ATE1: variants seen among roughly 807,000 people sequenced by gnomAD.
The protein encoded by ATE1 is arginyl-tRNA--protein transferase 1.
A neutral mutation model predicts 70.5 loss-of-function variants in ATE1; 36 were observed. The observed-to-expected ratio is 0.51, with a 90% confidence interval of 0.39 to 0.67. The LOEUF (loss-of-function observed/expected upper bound fraction) is 0.67, where lower values mean the gene tolerates loss of function less well. Among genes scored for constraint, ATE1 ranks in the 30% least tolerant of loss-of-function variants. The pLI is 0.00. For missense variants in ATE1, 593 were observed against 629.5 expected (o/e 0.94, Z 0.62); for synonymous variants, 232 against 219.3 (o/e 1.06, Z -0.51).
intron 10 of ATE1, among the ~76,000 whole-genome samples, chr10:121,803,012 G>A (rs1334244948): frequency 3.3e-5 from 5 of 152,168 alleles, no homozygotes; most frequent in South Asian, 2.1e-4. Flanking sequence ...CAGCGTTGAC[G>A]TCTTTAGGAG....
chr10:121,745,452 C>G (rs1407212109), intron 11 of ATE1, among the ~76,000 whole-genome samples: 1 of 152,218 alleles, frequency 6.6e-6, no homozygotes, highest in Non-Finnish European at 1.5e-5. Flanking sequence ...TGCAGTGGCT[C>G]ACGCCTGTAA....
chr10:121,841,833 G>A (rs779362353), intron 8 of ATE1, among the ~76,000 whole-genome samples: 25 of 152,022 alleles, frequency 1.6e-4, no homozygotes, highest in Non-Finnish European at 2.5e-4. Context: ...CTTGGGTGAC[G>A]GCTGCACCAA....
At chr10:121,913,755 G>C in intron 4 of ATE1, 35 bp downstream of exon 4, 1 of 1,444,402 alleles carries the variant, frequency 6.9e-7, no homozygotes, top group Non-Finnish European at 9.7e-7. Context: ...TGCAAAGACA[G>C]ATAGTAAATC....
intron 5 of ATE1, 141 bp from the exon 6 acceptor site, chr10:121,902,761 G>T: frequency 1.2e-6 from 1 of 822,204 alleles, no homozygotes; most frequent in Non-Finnish European, 1.9e-6. Flanking sequence ...AGAGGATCCT[G>T]ATACAGAGCT....
chr10:121,808,695 T>C (rs1161040172), intron 10 of ATE1, among the ~76,000 whole-genome samples: 2 of 152,156 alleles, frequency 1.3e-5, no homozygotes, highest in African/African-American at 2.4e-5. Flanking sequence ...CAGTGGTGAA[T>C]TAATAAAAAA....
intron 11 of ATE1, among the ~76,000 whole-genome samples, chr10:121,770,281 C>A (rs1238392126): frequency 6.9e-6 from 1 of 144,264 alleles, no homozygotes; most frequent in Non-Finnish European, 1.5e-5. Context: ...CACAGACATA[C>A]ACCCTGTATA....
intron 8 of ATE1, among the ~76,000 whole-genome samples, chr10:121,849,458 G>GA (rs1948972281): frequency 6.6e-6 from 1 of 152,118 alleles, no homozygotes; most frequent in Non-Finnish European, 1.5e-5. Flanking sequence ...TAACCAGTTT[G>GA]TCCTACCATA....
intron 9 of ATE1, among the ~76,000 whole-genome samples, chr10:121,838,862 A>T (rs186806033): frequency 5.4e-4 from 83 of 152,340 alleles, no homozygotes; most frequent in African/African-American, 1.9e-3. Context: ...AATTAAAAAA[A>T]TAAAAAAATA....
intron 7 of ATE1, among the ~76,000 whole-genome samples, chr10:121,870,899 T>G (rs1313710436): frequency 6.6e-6 from 1 of 152,224 alleles, no homozygotes; most frequent in Non-Finnish European, 1.5e-5. Context: ...TGAGATTTAC[T>G]GTTAATAATA....
chr10:121,792,276 C>G (rs1946483653), intron 10 of ATE1, among the ~76,000 whole-genome samples: 1 of 152,148 alleles, frequency 6.6e-6, no homozygotes, highest in Admixed American at 6.5e-5. Flanking sequence ...AGCGATGGAA[C>G]AGTGGGATGG....
At chr10:121,829,191 G>C (rs1479450529) in intron 10 of ATE1, among the ~76,000 whole-genome samples, 1 of 152,118 alleles carries the variant, frequency 6.6e-6, no homozygotes, top group Middle Eastern at 3.2e-3. Context: ...TTGGGAGGCC[G>C]AGGCGGGCAG....
intron 5 of ATE1, among the ~76,000 whole-genome samples, chr10:121,908,249 A>G (rs1349166227): frequency 1.3e-5 from 2 of 152,242 alleles, no homozygotes; most frequent in African/African-American, 4.8e-5. Flanking sequence ...CACTCCTGTA[A>G]TCCCAGTACT....
In ATE1 at chr10:121,924,117, T is replaced by A. The variant is rs963046756; in HGVS notation, c.170+149A>T. 20 of 653,566 alleles carry A rather than the reference T, an allele frequency of 3.1e-5. 1 individual carries two copies. The South Asian group carries it at 4.0e-4, about 13-fold the overall frequency. The allele number at this position is 653,566 out of a possible 1,614,324, so 40.5% of individuals were successfully genotyped here. ...TTGACATTTTCCTAACAAAGTTTTT[T>A]AAAAAGGAGACAAAAAATCACTACA... On this transcript the variant is annotated intron_variant, in intron 2 of 11. Coordinates refer to ENST00000224652, the MANE Select transcript of ATE1 (RefSeq NM_001001976.3).
chr10:121,753,942 T>C (rs1373400316), intron 11 of ATE1, among the ~76,000 whole-genome samples: 1 of 152,166 alleles, frequency 6.6e-6, no homozygotes, highest in East Asian at 1.9e-4. Flanking sequence ...GTCAAGAAAT[T>C]AGTTACATAC....
At chr10:121,766,592 C>T (rs940321662) in intron 11 of ATE1, among the ~76,000 whole-genome samples, 1 of 152,020 alleles carries the variant, frequency 6.6e-6, no homozygotes, top group Non-Finnish European at 1.5e-5. Flanking sequence ...AGCCAACACA[C>T]ACAGACTAAA....
chr10:121,835,541 A>G (rs1048121697), intron 10 of ATE1, among the ~76,000 whole-genome samples: 1 of 152,040 alleles, frequency 6.6e-6, no homozygotes, highest in African/African-American at 2.4e-5. Context: ...CATCGCAAAT[A>G]TAATGTATGA....
Position 121,812,112 on chromosome 10 carries a change from C to T in ATE1, c.1258-21823G>A, listed in dbSNP as rs564749765. On this transcript the variant is annotated intron_variant, in intron 10 of 11. Transcript: ENST00000224652. Reference sequence around the variant, plus strand: ...CTGGGACTACAGGCATGAGACACCACGCCTGACTAATTTTTGTATTTTTTG... The same window carrying T: ...CTGGGACTACAGGCATGAGACACCATGCCTGACTAATTTTTGTATTTTTTG... Among the ~76,000 whole-genome samples the T allele has an allele frequency of 4.6e-5, 7 of 152,080 alleles. No homozygotes were observed. In the South Asian group the frequency reaches 1.2e-3, roughly 27 times the overall value.
At chr10:121,869,891 T>C in intron 8 of ATE1, 115 bp downstream of exon 8, 3 of 964,026 alleles carry the variant, frequency 3.1e-6, no homozygotes, top group Non-Finnish European at 4.8e-6. Context: ...TTGAAGAATA[T>C]ATGTGTCCCA....
intron 10 of ATE1, among the ~76,000 whole-genome samples, chr10:121,819,562 C>T (rs1947699111): frequency 6.8e-6 from 1 of 147,984 alleles, no homozygotes; most frequent in Admixed American, 6.9e-5. Flanking sequence ...ATAAAATTAG[C>T]CAGGCGTGGT....
Sources: gnomAD v4.1 joint callset for allele counts (sites outside exome capture counted in the v4.1 genomes callset) on GRCh38, gnomAD v4.1.1 for gene constraint, MANE v1.5 for transcripts, NCBI Gene and HGNC (gene_info 2026-07-23, HGNC 2026-07-21) for gene names.